The following PIEZO2 variants were observed in gnomAD, a reference collection of about 807,000 sequenced individuals.
The protein encoded by PIEZO2 is piezo type mechanosensitive ion channel component 2.
PIEZO2 carries 172 observed loss-of-function variants against 337.3 expected under a neutral mutation model. The observed-to-expected ratio is 0.51, with a 90% CI of 0.45 to 0.58. The LOEUF (loss-of-function observed/expected upper bound fraction) is 0.58. Among genes scored for constraint, PIEZO2 ranks in the 20% least tolerant of loss-of-function variants. The pLI, the probability that PIEZO2 is intolerant of heterozygous loss-of-function variation, is 0.00. For synonymous variants in PIEZO2, 1,251 were observed against 1,228.5 expected (o/e 1.02, Z -0.38); for missense variants, 3,028 against 3,391.3 (o/e 0.89, Z 2.66).
At chr18:10,865,502 TGACA>T (rs1375773666) in intron 5 of PIEZO2, among the ~76,000 whole-genome samples, 8 of 152,100 alleles carry the variant, frequency 5.3e-5, no homozygotes, top group African/African-American at 1.4e-4. Flanking sequence ...TTGTTGGTGG[TGACA>T]GACAAAGGCC....
Position 10,952,373 on chromosome 18 carries a change from A to C in PIEZO2, c.286+27162T>G, listed in dbSNP as rs1193684302. Reference sequence around the variant, plus strand: ...CCACCAAATTCTCCATGGTCATTGTAGTCAGCCACTCCCCTGATCCTCCAC... The same window carrying C: ...CCACCAAATTCTCCATGGTCATTGTCGTCAGCCACTCCCCTGATCCTCCAC... On this transcript the variant is annotated intron_variant, in intron 3 of 55. Coordinates refer to ENST00000674853, the MANE Select transcript of PIEZO2 (RefSeq NM_001378183.1). The surrounding 1 kb of genome is among the most constrained non-coding windows in gnomAD (Gnocchi z 4.1). Among the ~76,000 whole-genome samples, 1 of 147,108 alleles carries C rather than the reference A, an allele frequency of 6.8e-6. No homozygotes were observed. Among genetic ancestry groups the C allele is most frequent in the Non-Finnish European group, 1.5e-5 (1 of 67,806 alleles).
At chr18:10,688,894 T>C (rs2034672188) in intron 49 of PIEZO2, among the ~76,000 whole-genome samples, 1 of 152,094 alleles carries the variant, frequency 6.6e-6, no homozygotes, top group Admixed American at 6.6e-5. Flanking sequence ...CAAGCAAATA[T>C]GATTTTAAGT....
intron 16 of PIEZO2, 93 bp downstream of exon 16, chr18:10,786,943 T>C: frequency 1.6e-6 from 2 of 1,233,170 alleles, no homozygotes; most frequent in Non-Finnish European, 2.2e-6. Flanking sequence ...ATTGATGACA[T>C]CATGCTTTAC....
intron 44 of PIEZO2, among the ~76,000 whole-genome samples, chr18:10,698,507 A>G (rs1039496668): frequency 6.6e-6 from 1 of 152,190 alleles, no homozygotes; most frequent in African/African-American, 2.4e-5. Flanking sequence ...TAATTACTAG[A>G]CTAGGAAATA....
At position 10,766,199 on chromosome 18, in the gene PIEZO2, G is replaced by A. The variant is rs373729935; in HGVS notation, c.2947-3101C>T. Among the ~76,000 whole-genome samples the A allele has an allele frequency of 3.5e-4, 52 of 150,044 alleles. 1 individual carries two copies. The highest frequency in any genetic ancestry group is 2.4e-3 in the Admixed American group (36 of 15,008). ...TCATTTTCCTGATGGTAAGAATCTCGTGGAAGGAAAGAAGAAGAAAGAAGG... is the reference window on the plus strand; with the variant it reads ...TCATTTTCCTGATGGTAAGAATCTCATGGAAGGAAAGAAGAAGAAAGAAGG... On this transcript the variant is annotated intron_variant, in intron 21 of 55. Transcript: ENST00000674853. The surrounding 1 kb of genome is among the most constrained non-coding windows in gnomAD (Gnocchi z 6.1).
At chr18:10,803,072 TGTA>T in intron 9 of PIEZO2, among the ~76,000 whole-genome samples, 1 of 152,264 alleles carries the variant, frequency 6.6e-6, no homozygotes, top group Non-Finnish European at 1.5e-5. Flanking sequence ...GAATGTCAGT[TGTA>T]GTGCAGAATC....
rs1267861833 is a variant in PIEZO2 at position 10,918,314 on chromosome 18, A to AT, written c.287-7087dup. Among the ~76,000 whole-genome samples, 11 of 151,996 alleles carry AT rather than the reference A, an allele frequency of 7.2e-5. 1 individual carries two copies. Among genetic ancestry groups the AT allele is most frequent in the South Asian group, 2.1e-4 (1 of 4,822 alleles). ...TAATAGTTTTCATATTTAATGACAC[A>AT]TTGTTTTTTAAAATATCATTTTCAC... On this transcript the variant is annotated intron_variant, in intron 3 of 55. Transcript: ENST00000674853.
chr18:10,916,744 G>A (rs966423269), intron 3 of PIEZO2, among the ~76,000 whole-genome samples: 6 of 152,164 alleles, frequency 3.9e-5, no homozygotes, highest in African/African-American at 1.4e-4. Context: ...GCAGCAGCGG[G>A]CTGAAGGGCT....
chr18:11,110,551 C>T lies in PIEZO2; in HGVS notation c.64+37974G>A, dbSNP rs998674324. On this transcript the variant is annotated intron_variant, in intron 1 of 55. Transcript: ENST00000674853. The surrounding 1 kb of genome is among the most constrained non-coding windows in gnomAD (Gnocchi z 4.2). ...CTCAAACAACAAAGACACAGCAGAGCGGGGGAGTGGGAGCTGCCACATAAC... is the reference window on the plus strand; with the variant it reads ...CTCAAACAACAAAGACACAGCAGAGTGGGGGAGTGGGAGCTGCCACATAAC... 1.2e-4 allele frequency among the ~76,000 whole-genome samples: 19 copies of T among 152,224 alleles called. No homozygotes were observed. The highest frequency in any genetic ancestry group is 6.2e-4 in the South Asian group (3 of 4,824).
intron 1 of PIEZO2, among the ~76,000 whole-genome samples, chr18:11,139,369 G>A (rs781088176): frequency 2.6e-5 from 4 of 152,196 alleles, no homozygotes; most frequent in Non-Finnish European, 5.9e-5. Flanking sequence ...AGGAGGAAGA[G>A]AAAGAATTTT....
intron 7 of PIEZO2, among the ~76,000 whole-genome samples, chr18:10,812,071 G>C (rs1238437949): frequency 2.0e-5 from 3 of 152,222 alleles, no homozygotes; most frequent in Non-Finnish European, 4.4e-5. Flanking sequence ...CTGACCTCGT[G>C]ATCTGCCCGC....
intron 39 of PIEZO2, among the ~76,000 whole-genome samples, 173 bp downstream of exon 39, chr18:10,714,591 G>A (rs2035939382): frequency 1.3e-5 from 2 of 152,154 alleles, no homozygotes; most frequent in South Asian, 4.1e-4. Flanking sequence ...TTCCTTCTAG[G>A]TGAGGACAAT....
intron 2 of PIEZO2, among the ~76,000 whole-genome samples, chr18:11,025,171 C>G (rs1359115235): frequency 2.0e-5 from 3 of 152,144 alleles, no homozygotes; most frequent in African/African-American, 7.2e-5. Context: ...TCAACACACT[C>G]TGCCCTGCTT....
intron 2 of PIEZO2, among the ~76,000 whole-genome samples, chr18:10,990,170 T>A (rs1287018087): frequency 6.6e-6 from 1 of 152,122 alleles, no homozygotes; most frequent in Non-Finnish European, 1.5e-5. Context: ...AAATATTATG[T>A]TAAAATGGTA....
At position 11,148,990 on chromosome 18, in the gene PIEZO2, C is replaced by G. The variant is rs989353734; in HGVS notation, c.-402G>C. The stretch of plus-strand genomic sequence containing the variant: ...GAGCAAAGGGGGCAAGAAGGGCGTG[C>G]TGTGCTCCCGCCTGGCTCCCGGGGC... On this transcript the variant is annotated 5_prime_UTR_variant, in exon 1 of 56. Transcript: ENST00000674853. The surrounding 1 kb of genome is among the most constrained non-coding windows in gnomAD (Gnocchi z 5.2). Among the ~76,000 whole-genome samples, 3 of 151,620 alleles carry G rather than the reference C, an allele frequency of 2.0e-5. No individual in the cohort carries two copies. The highest frequency in any genetic ancestry group is 7.3e-5 in the African/African-American group (3 of 41,264).
rs1040300255 is a variant in PIEZO2 at position 11,094,225 on chromosome 18, T to A, written c.65-28003A>T. Among the ~76,000 whole-genome samples the A allele has an allele frequency of 5.9e-5, 9 of 152,186 alleles. No individual in the cohort carries two copies. Among genetic ancestry groups the A allele is most frequent in the African/African-American group, 1.9e-4 (8 of 41,442 alleles). On this transcript the variant is annotated intron_variant, in intron 1 of 55. Transcript: ENST00000674853. The surrounding 1 kb of genome is among the most constrained non-coding windows in gnomAD (Gnocchi z 4.4). ...CTACTGTGATAATTTGATTAGCTCC[T>A]TTATGTTCCAGCTTGAACGTATGTA...
chr18:11,023,521 C>T (rs530828616), intron 2 of PIEZO2, among the ~76,000 whole-genome samples: 1 of 152,320 alleles, frequency 6.6e-6, no homozygotes, highest in Admixed American at 6.5e-5. Context: ...GGTGTATTTA[C>T]AATCCCTTAG....
chr18:10,759,871 T>G lies in PIEZO2; in HGVS notation c.3489A>C (p.Arg1163=), dbSNP rs1057005815. The G allele has an allele frequency of 7.8e-6, 12 of 1,537,458 alleles. No individual in the cohort carries two copies. Among genetic ancestry groups the G allele is most frequent in the Non-Finnish European group, 1.0e-5 (12 of 1,146,944 alleles). Residue 1163 remains arginine (R), a synonymous_variant, in exon 25 of 56, where the codon CGA becomes CGC. Transcript: ENST00000674853. The surrounding 1 kb of genome is among the most constrained non-coding windows in gnomAD (Gnocchi z 5.5). ...CGTGGATCATGGCATAGAAATCCAT[T>G]CGCTGGCCAATGACGTTAACTGACA... is the stretch of plus-strand genomic sequence containing the variant. ...FLMSVNVIGQ[R]MDFYAMIHAC...
At chr18:10,741,959 C>T (rs1285334266) in intron 32 of PIEZO2, among the ~76,000 whole-genome samples, 2 of 151,850 alleles carry the variant, frequency 1.3e-5, no homozygotes, top group Admixed American at 1.3e-4. Flanking sequence ...CGAGACCATC[C>T]GTGCTAACAT....
Sources: gnomAD v4.1 joint callset for allele counts (sites outside exome capture counted in the v4.1 genomes callset) on GRCh38, gnomAD v4.1.1 for gene constraint, Gnocchi (gnomAD v3.1) non-coding constraint, MANE v1.5 for transcripts, NCBI Gene and HGNC (gene_info 2026-07-23, HGNC 2026-07-21) for gene names.